Variants in ROBO1 observed in about 807,000 individuals in gnomAD.
ROBO1 encodes the protein roundabout homolog 1.
ROBO1 carries 149 observed loss-of-function variants against 195.9 expected under a neutral mutation model. That is an observed-to-expected ratio of 0.76 (90% CI 0.67 to 0.87). The LOEUF (loss-of-function observed/expected upper bound fraction) is 0.87, where lower values mean the gene tolerates loss of function less well. Ranked by LOEUF, ROBO1 falls within the 40% of genes least tolerant of loss-of-function variation. ROBO1 has a pLI of 0.00. For synonymous variants in ROBO1, 816 were observed against 733.2 expected (o/e 1.11, Z -1.82); for missense variants, 1,933 against 2,068.3 (o/e 0.93, Z 1.27).
chr3:79,350,870 G>C lies in ROBO1; in HGVS notation c.89-225331C>G, dbSNP rs769870834. 5.9e-5 allele frequency among the ~76,000 whole-genome samples: 9 copies of C among 152,116 alleles called. No homozygotes were observed. In the East Asian group the frequency reaches 7.7e-4, roughly 13 times the overall value. On this transcript the variant is annotated intron_variant, in intron 2 of 30. Transcript: ENST00000464233. Reference sequence around the variant, plus strand: ...GTCTTGCTATGTTGCCCAGGATTGAGTGCAATGGCTATTCACAGGCACCAT... The same window carrying C: ...GTCTTGCTATGTTGCCCAGGATTGACTGCAATGGCTATTCACAGGCACCAT...
intron 2 of ROBO1, among the ~76,000 whole-genome samples, chr3:79,280,832 T>A (rs1207921155): frequency 6.6e-6 from 1 of 152,086 alleles, no homozygotes; most frequent in Non-Finnish European, 1.5e-5. Context: ...CACAATAGGG[T>A]TTGAGCTCCT....
At chr3:79,697,319 T>C (rs1355541669) in intron 1 of ROBO1, among the ~76,000 whole-genome samples, 1 of 151,494 alleles carries the variant, frequency 6.6e-6, no homozygotes, top group Non-Finnish European at 1.5e-5. Context: ...TTCTGCAGCA[T>C]AACAATGTTA....
At chr3:79,145,336 A>G (rs1197058913) in intron 2 of ROBO1, among the ~76,000 whole-genome samples, 31 of 151,088 alleles carry the variant, frequency 2.1e-4, no homozygotes, top group Non-Finnish European at 4.6e-4. Context: ...ATGAGAGATG[A>G]AAGAAAATTT....
At chr3:78,764,260 G>T (rs1057170847) in intron 4 of ROBO1, among the ~76,000 whole-genome samples, 3 of 151,946 alleles carry the variant, frequency 2.0e-5, no homozygotes, top group Non-Finnish European at 1.5e-5. Flanking sequence ...GATCTTTTTA[G>T]TCCAACTCTT....
At chr3:79,045,319 C>T (rs114185632) in intron 3 of ROBO1, among the ~76,000 whole-genome samples, 9,641 of 151,894 alleles carry the variant, frequency 0.063, 416 homozygotes, top group Middle Eastern at 0.13. Flanking sequence ...AAATAATGAA[C>T]TATACATTAA....
chr3:79,698,128 C>T (rs1360961760), intron 1 of ROBO1, among the ~76,000 whole-genome samples: 3 of 151,304 alleles, frequency 2.0e-5, no homozygotes, highest in Non-Finnish European at 4.4e-5. Context: ...CAGTGATATA[C>T]TAGGCAGCAA....
chr3:79,749,678 G>T (rs572464204), intron 1 of ROBO1, among the ~76,000 whole-genome samples: 183 of 152,316 alleles, frequency 1.2e-3, no homozygotes, highest in Non-Finnish European at 2.1e-3. Context: ...GCTTCAGAGG[G>T]TGCAAGCCCC....
chr3:79,748,402 T>C (rs569856350), intron 1 of ROBO1, among the ~76,000 whole-genome samples: 10 of 152,224 alleles, frequency 6.6e-5, no homozygotes, highest in East Asian at 1.9e-4. Flanking sequence ...GAGAGATTGA[T>C]TATGGGGCAT....
intron 2 of ROBO1, among the ~76,000 whole-genome samples, chr3:79,529,944 T>A (rs991269971): frequency 6.6e-6 from 1 of 152,200 alleles, no homozygotes; most frequent in Non-Finnish European, 1.5e-5. Flanking sequence ...TTTGTATTCA[T>A]AGAACAAATT....
chr3:78,693,429 T>C, intron 8 of ROBO1: 2 of 1,118,784 alleles, frequency 1.8e-6, no homozygotes, highest in South Asian at 2.8e-5. Context: ...AGAAAAGTAA[T>C]AAGATTTGAC....
At chr3:78,787,255 CA>C (rs1156976854) in intron 4 of ROBO1, among the ~76,000 whole-genome samples, 3 of 152,038 alleles carry the variant, frequency 2.0e-5, no homozygotes, top group Admixed American at 2.0e-4. Context: ...TAACACTAAT[CA>C]GTAATTATAT....
chr3:79,272,954 C>T (rs987845476), intron 2 of ROBO1, among the ~76,000 whole-genome samples: 6 of 152,072 alleles, frequency 3.9e-5, no homozygotes, highest in African/African-American at 1.2e-4. Context: ...AATGGAATGA[C>T]ATGTTTAAAG....
chr3:79,053,883 G>A lies in ROBO1; in HGVS notation c.172+71573C>T, dbSNP rs144512845. Among the ~76,000 whole-genome samples the A allele has an allele frequency of 7.0e-3, 1,058 of 152,184 alleles. 6 individuals carry two copies. Among genetic ancestry groups the A allele is most frequent in the Middle Eastern group, 0.027 (8 of 294 alleles). On this transcript the variant is annotated intron_variant, in intron 3 of 30. Coordinates refer to ENST00000464233, the MANE Select transcript of ROBO1 (RefSeq NM_002941.4). ...CATGCTAGAACCTCCCAACTTCCAAGGGATATAAATGTGTCATTATGTACC... is the reference window on the plus strand; with the variant it reads ...CATGCTAGAACCTCCCAACTTCCAAAGGATATAAATGTGTCATTATGTACC...
At chr3:78,983,008 A>G (rs2077032993) in intron 3 of ROBO1, among the ~76,000 whole-genome samples, 1 of 152,020 alleles carries the variant, frequency 6.6e-6, no homozygotes, top group African/African-American at 2.4e-5. Context: ...CCTGGGCTCC[A>G]GGGATCCTCC....
intron 1 of ROBO1, among the ~76,000 whole-genome samples, chr3:79,703,656 G>A (rs1229437474): frequency 6.6e-6 from 1 of 151,880 alleles, no homozygotes; most frequent in Non-Finnish European, 1.5e-5. Flanking sequence ...GTAAAAATCT[G>A]TGTGGTCTCT....
chr3:79,033,845 A>T (rs1421900985), intron 3 of ROBO1, among the ~76,000 whole-genome samples: 1 of 152,112 alleles, frequency 6.6e-6, no homozygotes. Flanking sequence ...CTTTTTCTGG[A>T]GCATTTGTAA....
At chr3:79,692,161 G>C (rs556949743) in intron 1 of ROBO1, among the ~76,000 whole-genome samples, 3 of 151,978 alleles carry the variant, frequency 2.0e-5, no homozygotes, top group Admixed American at 6.6e-5. Context: ...AACAGCAAGA[G>C]AGAAGGTGGA....
intron 2 of ROBO1, among the ~76,000 whole-genome samples, chr3:79,403,886 C>T (rs1478063053): frequency 6.6e-6 from 1 of 151,980 alleles, no homozygotes; most frequent in African/African-American, 2.4e-5. Flanking sequence ...TTGGAGCCAT[C>T]TCTCTGTGGC....
intron 2 of ROBO1, among the ~76,000 whole-genome samples, chr3:79,446,642 A>G (rs962866065): frequency 5.9e-5 from 9 of 152,286 alleles, no homozygotes; most frequent in African/African-American, 2.2e-4. Flanking sequence ...CATGCTAATG[A>G]TATTATTACA....
Sources: gnomAD v4.1 joint callset for allele counts (sites outside exome capture counted in the v4.1 genomes callset) on GRCh38, gnomAD v4.1.1 for gene constraint, MANE v1.5 for transcripts, NCBI Gene and HGNC (gene_info 2026-07-23, HGNC 2026-07-21) for gene names.